Variants in TBC1D19 observed in about 807,000 individuals in gnomAD.
The protein encoded by TBC1D19 is TBC1 domain family member 19, also known as TBC1 domain family, member 19.
Under a neutral mutation model 89.0 loss-of-function variants are expected in TBC1D19, and 60 were observed. The ratio of observed to expected loss-of-function variants is 0.67; its 90% confidence interval spans 0.55 to 0.84. The LOEUF is 0.84. TBC1D19 is among the 40% of genes least tolerant of loss of function. The probability of loss-of-function intolerance (pLI) is 0.00; values close to 1 mark genes in which losing one functional copy is unlikely to be tolerated. For synonymous variants in TBC1D19, 189 were observed against 199.7 expected (o/e 0.95, Z 0.45); for missense variants, 500 against 610.8 (o/e 0.82, Z 1.91).
At chr4:26,833,628 G>A in the TBC1D19 span, among the ~76,000 whole-genome samples, 2 of 152,348 alleles carry the variant, frequency 1.3e-5, no homozygotes, top group East Asian at 3.9e-4. Flanking sequence ...AAAGCAGATG[G>A]AGCTGTTCGT....
chr4:26,620,703 A>G lies in TBC1D19; in HGVS notation c.294+15A>G. ...GGAAAGCACAGGTTGGCTATTGTTC[A>G]ATTTCATTTTATTTTTTCATGCCAA... On this transcript the variant is annotated intron_variant, in intron 4 of 20. Coordinates refer to ENST00000264866, the MANE Select transcript of TBC1D19 (RefSeq NM_018317.4). 2 of 1,610,762 alleles carry G rather than the reference A, an allele frequency of 1.2e-6. No individual in the cohort carries two copies.
chr4:26,739,319 G>T (rs1029476377), intron 16 of TBC1D19, among the ~76,000 whole-genome samples: 4 of 151,842 alleles, frequency 2.6e-5, no homozygotes, highest in African/African-American at 9.7e-5. Flanking sequence ...ATATATATGG[G>T]GATATAGCGA....
At chr4:26,825,191 C>G in the TBC1D19 span, among the ~76,000 whole-genome samples, 33 of 152,110 alleles carry the variant, frequency 2.2e-4, no homozygotes, top group African/African-American at 7.5e-4. Flanking sequence ...CTCCAGCTCC[C>G]TGGTTCAAGC....
chr4:26,683,657 T>C lies in TBC1D19; in HGVS notation c.817-18T>C. 6.3e-7 allele frequency: 1 copy of C among 1,595,972 alleles called. No homozygotes were observed. Among genetic ancestry groups the C allele is most frequent in the Non-Finnish European group, 8.5e-7 (1 of 1,172,224 alleles). ...ATGTGATTGACCTTTAATTTTTTTG[T>C]TTTACTTTTAAATTTAGGATGTCTT... On this transcript the variant is annotated intron_variant, in intron 11 of 20. Transcript: ENST00000264866.
rs1370986895 is a variant in TBC1D19, at chr4:26,678,401, A to G, written c.816+4513A>G. On this transcript the variant is annotated intron_variant, in intron 11 of 20. Coordinates refer to ENST00000264866, the MANE Select transcript of TBC1D19 (RefSeq NM_018317.4). ...CTGGAAACAGGTCTATGCCTTCTCC[A>G]AAGATGATTTTGAGGGCTCCAAATT... Among the ~76,000 whole-genome samples, 2 of 152,220 alleles carry G rather than the reference A, an allele frequency of 1.3e-5. 1 individual carries two copies. The highest frequency in any genetic ancestry group is 1.3e-4 in the Admixed American group (2 of 15,286).
chr4:26,650,218 G>A (rs371208763), intron 7 of TBC1D19, among the ~76,000 whole-genome samples: 17 of 152,080 alleles, frequency 1.1e-4, no homozygotes, highest in South Asian at 4.2e-4. Context: ...AATCCTTTGA[G>A]TATATACCCC....
intron 18 of TBC1D19, among the ~76,000 whole-genome samples, chr4:26,743,353 T>A (rs1718477115): frequency 6.6e-6 from 1 of 152,126 alleles, no homozygotes; most frequent in Non-Finnish European, 1.5e-5. Flanking sequence ...TTCTCCACTC[T>A]TGAATCCATA....
At chr4:26,816,300 T>C in the TBC1D19 span, among the ~76,000 whole-genome samples, 3 of 152,326 alleles carry the variant, frequency 2.0e-5, no homozygotes, top group Non-Finnish European at 2.9e-5. Flanking sequence ...GTGATTTGCC[T>C]GTCTCCTCCA....
chr4:26,592,773 A>C (rs374368039), intron 1 of TBC1D19, among the ~76,000 whole-genome samples: 2 of 151,880 alleles, frequency 1.3e-5, no homozygotes, highest in East Asian at 3.9e-4. Context: ...TAGGAATCCA[A>C]CTTACAAGGG....
chr4:26,734,993 T>TATGTATACACATATGTATATGTATAC, intron 15 of TBC1D19, among the ~76,000 whole-genome samples: 1 of 106,066 alleles, frequency 9.4e-6, no homozygotes, highest in East Asian at 2.6e-4. Context: ...TATATGTATA[T>TATGTATACACATATGTATATGTATAC]ATGTATACAC....
chr4:26,820,552 T>C, the TBC1D19 span, among the ~76,000 whole-genome samples: 1 of 152,344 alleles, frequency 6.6e-6, no homozygotes, highest in East Asian at 1.9e-4. Flanking sequence ...TGTATAGTAT[T>C]CCATTGTACA....
chr4:26,768,433 AC>A, the TBC1D19 span, among the ~76,000 whole-genome samples: 1 of 152,234 alleles, frequency 6.6e-6, no homozygotes, highest in African/African-American at 2.4e-5. Context: ...AATGTACAAT[AC>A]TTGGCATTTG....
chr4:26,727,371 G>T (rs1391558385), intron 15 of TBC1D19, among the ~76,000 whole-genome samples: 1 of 152,204 alleles, frequency 6.6e-6, no homozygotes, highest in Non-Finnish European at 1.5e-5. Context: ...GGACTGTGTA[G>T]CCTTTTTTTG....
At chr4:26,604,397 C>G (rs1054874802) in intron 1 of TBC1D19, among the ~76,000 whole-genome samples, 19 of 150,978 alleles carry the variant, frequency 1.3e-4, no homozygotes, top group Non-Finnish European at 2.4e-4. Flanking sequence ...TGTGATCCGC[C>G]CGCCTCGGCC....
chr4:26,703,388 G>C (rs1715481883), intron 13 of TBC1D19, among the ~76,000 whole-genome samples: 1 of 152,108 alleles, frequency 6.6e-6, no homozygotes, highest in Non-Finnish European at 1.5e-5. Context: ...AATTGTGTGT[G>C]TGCATGTGTG....
In TBC1D19 at chr4:26,640,450, G is replaced by A. The variant is rs144795215; in HGVS notation, c.480+263G>A. Among the ~76,000 whole-genome samples, 397 of 152,242 alleles carry A rather than the reference G, an allele frequency of 2.6e-3. 4 individuals are homozygous for A. Among genetic ancestry groups the A allele is most frequent in the African/African-American group, 9.3e-3 (385 of 41,538 alleles). ...GTAGGAAGTGGGTTCCAAGATGGCCGAATACGAACAGGCCCAGTCTGCAGC... is the reference window on the plus strand; with the variant it reads ...GTAGGAAGTGGGTTCCAAGATGGCCAAATACGAACAGGCCCAGTCTGCAGC... On this transcript the variant is annotated intron_variant, in intron 7 of 20. Transcript: ENST00000264866.
the TBC1D19 span, among the ~76,000 whole-genome samples, chr4:26,854,671 T>G: frequency 1.3e-5 from 2 of 152,030 alleles, no homozygotes; most frequent in African/African-American, 2.4e-5. Flanking sequence ...AGGTCTCTCA[T>G]GCTGCTTTAG....
At chr4:26,801,550 C>G in the TBC1D19 span, among the ~76,000 whole-genome samples, 1 of 152,138 alleles carries the variant, frequency 6.6e-6, no homozygotes, top group Non-Finnish European at 1.5e-5. Context: ...TGAAGAAAGT[C>G]ATTGGTAGCT....
At chr4:26,685,609 G>A (rs1166530577) in intron 12 of TBC1D19, among the ~76,000 whole-genome samples, 3 of 152,172 alleles carry the variant, frequency 2.0e-5, no homozygotes, top group African/African-American at 7.2e-5. Flanking sequence ...TAGCCAATCT[G>A]ACTTCAGAAC....
Sources: gnomAD v4.1 joint callset for allele counts (sites outside exome capture counted in the v4.1 genomes callset) on GRCh38, gnomAD v4.1.1 for gene constraint, MANE v1.5 for transcripts, NCBI Gene and HGNC (gene_info 2026-07-23, HGNC 2026-07-21) for gene names.